The following SSH2 variants were observed in gnomAD, a reference collection of about 807,000 sequenced individuals.
SSH2 encodes protein phosphatase Slingshot homolog 2.
SSH2 carries 37 observed loss-of-function variants against 135.2 expected under a neutral mutation model. The observed-to-expected ratio is 0.27, with a 90% CI of 0.21 to 0.36. SSH2 has a LOEUF of 0.36. Ranked by LOEUF, SSH2 falls within the 10% of genes least tolerant of loss-of-function variation. The probability of loss-of-function intolerance (pLI) is 1.00; values close to 1 mark genes in which losing one functional copy is unlikely to be tolerated. For missense variants in SSH2, 1,408 were observed against 1,765.3 expected, an observed-to-expected ratio of 0.80 and a Z score of 3.63; for synonymous variants, 628 against 646.2, an observed-to-expected ratio of 0.97 and a Z score of 0.43.
At chr17:29,772,804 C>A (rs2041615399) in intron 3 of SSH2, among the ~76,000 whole-genome samples, 1 of 152,076 alleles carries the variant, frequency 6.6e-6, no homozygotes, top group African/African-American at 2.4e-5. Context: ...ACTCCAGGCT[C>A]TCTGGACTTG....
intron 4 of SSH2, among the ~76,000 whole-genome samples, chr17:29,696,138 T>C (rs2038718056): frequency 6.7e-6 from 1 of 149,370 alleles, no homozygotes; most frequent in Admixed American, 6.7e-5. Flanking sequence ...CGCTGGAGTG[T>C]AGTGACTGAT....
intron 2 of SSH2, among the ~76,000 whole-genome samples, chr17:29,844,653 ACT>A (rs1273338312): frequency 9.2e-5 from 14 of 152,172 alleles, no homozygotes; most frequent in South Asian, 4.1e-4. Flanking sequence ...TTCCAGTCAC[ACT>A]GTTACCTTTC....
chr17:29,635,630 G>C (rs902260389), intron 15 of SSH2, among the ~76,000 whole-genome samples: 19 of 151,738 alleles, frequency 1.3e-4, no homozygotes, highest in Non-Finnish European at 2.5e-4. Flanking sequence ...GGATGGTTTC[G>C]ATCTCCTGAC....
chr17:29,886,428 T>C (rs1424629493), intron 1 of SSH2, among the ~76,000 whole-genome samples: 1 of 151,884 alleles, frequency 6.6e-6, no homozygotes, highest in Non-Finnish European at 1.5e-5. Flanking sequence ...AGTGGCAAAG[T>C]GTTCAAGAAG....
At chr17:29,646,297 C>T (rs574603240) in intron 14 of SSH2, among the ~76,000 whole-genome samples, 1 of 152,064 alleles carries the variant, frequency 6.6e-6, no homozygotes, top group Non-Finnish European at 1.5e-5. Flanking sequence ...TGGTTCTTAC[C>T]GATATAGGAA....
At chr17:29,917,065 A>C (rs1809639030) in intron 1 of SSH2, among the ~76,000 whole-genome samples, 1 of 151,854 alleles carries the variant, frequency 6.6e-6, no homozygotes, top group Admixed American at 6.6e-5. Flanking sequence ...TTTTTCTTTA[A>C]GTGAGGAAAA....
At chr17:29,876,518 T>G (rs2151426826) in intron 1 of SSH2, among the ~76,000 whole-genome samples, 1 of 152,264 alleles carries the variant, frequency 6.6e-6, no homozygotes, top group African/African-American at 2.4e-5. Flanking sequence ...CTTTGTTGAT[T>G]GCTTTCTTTG....
Position 29,632,569 on chromosome 17 carries a change from T to C in SSH2, c.2625A>G (p.Gln875=). 3.1e-6 allele frequency: 5 copies of C among 1,614,236 alleles called. No individual in the cohort carries two copies. Among genetic ancestry groups the C allele is most frequent in the South Asian group, 1.1e-5 (1 of 91,082 alleles). Residue 875 remains glutamine (Q), a synonymous_variant, in exon 16 of 16, where the codon CAA becomes CAG. Coordinates refer to ENST00000540801, the MANE Select transcript of SSH2 (RefSeq NM_001282129.2). ...LEEGEPAEGE[Q]ELQGSGMHPG... ...GGTGCATCCCTGAGCCCTGGAGCTCTTGTTCCCCCTCAGCTGGTTCCCCTT... is the reference window on the plus strand; with the variant it reads ...GGTGCATCCCTGAGCCCTGGAGCTCCTGTTCCCCCTCAGCTGGTTCCCCTT...
intron 2 of SSH2, among the ~76,000 whole-genome samples, chr17:29,837,935 C>G (rs12601647): frequency 0.56 from 84,648 of 152,148 alleles, 23,913 homozygotes; most frequent in East Asian, 0.69. Flanking sequence ...TGCACAAGCT[C>G]TGGCTGCAAC....
At chr17:29,793,788 G>A (rs2042113029) in intron 3 of SSH2, 106 bp downstream of exon 3, 1 of 961,762 alleles carries the variant, frequency 1.0e-6, no homozygotes, top group African/African-American at 1.6e-5. Context: ...TGAAAAACAA[G>A]GATAAGCTAA....
chr17:29,858,751 C>T (rs1599102704), intron 1 of SSH2, among the ~76,000 whole-genome samples: 5 of 152,128 alleles, frequency 3.3e-5, no homozygotes, highest in East Asian at 3.9e-4. Flanking sequence ...GCATGCCTGT[C>T]GCCCTAACTA....
chr17:29,906,809 A>C (rs1451859172), intron 1 of SSH2, among the ~76,000 whole-genome samples: 2 of 152,236 alleles, frequency 1.3e-5, no homozygotes, highest in Non-Finnish European at 2.9e-5. Context: ...TCAAAACCAC[A>C]ATGAGAAACT....
rs184283459 is a variant in SSH2, at chr17:29,928,639, G to T, written c.63+1299C>A. 3.1e-3 allele frequency: 1,235 copies of T among 398,268 alleles called. 6 individuals carry two copies. The highest frequency in any genetic ancestry group is 0.023 in the African/African-American group (1,141 of 48,732). 24.7% of individuals were successfully genotyped at this position (398,268 alleles called of 1,614,324 possible). On this transcript the variant is annotated intron_variant, in intron 1 of 15. Coordinates refer to ENST00000540801, the MANE Select transcript of SSH2 (RefSeq NM_001282129.2). ...AAATAAAATCACTTATTAAGATATA[G>T]TTGTCAATTTCATCACACAAAATGC...
chr17:29,884,522 A>G (rs2151436236), intron 1 of SSH2, among the ~76,000 whole-genome samples: 1 of 152,228 alleles, frequency 6.6e-6, no homozygotes, highest in African/African-American at 2.4e-5. Flanking sequence ...TATTTTCATC[A>G]CTGGTCTTCT....
At chr17:29,758,124 C>T (rs973465206) in intron 3 of SSH2, among the ~76,000 whole-genome samples, 1 of 152,014 alleles carries the variant, frequency 6.6e-6, no homozygotes, top group African/African-American at 2.4e-5. Flanking sequence ...ACAAATATTC[C>T]AAAAATTCTT....
chr17:29,855,282 A>G lies in SSH2; in HGVS notation c.64-6353T>C, dbSNP rs914710406. Among the ~76,000 whole-genome samples, 2 of 152,126 alleles carry G rather than the reference A, an allele frequency of 1.3e-5. 1 individual carries two copies. Among genetic ancestry groups the G allele is most frequent in the African/African-American group, 4.8e-5 (2 of 41,424 alleles). Reference sequence around the variant, plus strand: ...TTTGGGAGGCTGAGGCAGGCAGATCACTGTAGCCCAGGAGTTTCAGACCAG... The same window carrying G: ...TTTGGGAGGCTGAGGCAGGCAGATCGCTGTAGCCCAGGAGTTTCAGACCAG... On this transcript the variant is annotated intron_variant, in intron 1 of 15. Transcript: ENST00000540801.
At chr17:29,928,622 T>A (rs1212129875) in intron 1 of SSH2, 1 of 398,430 alleles carries the variant, frequency 2.5e-6, no homozygotes, top group Non-Finnish European at 4.4e-6. Context: ...TGAAATAAAA[T>A]CACTTATTAA....
chr17:29,761,831 A>G (rs1200907625), intron 3 of SSH2, among the ~76,000 whole-genome samples: 1 of 147,680 alleles, frequency 6.8e-6, no homozygotes, highest in East Asian at 2.0e-4. Context: ...CAGAGATTAC[A>G]CTCACATACA....
intron 1 of SSH2, among the ~76,000 whole-genome samples, chr17:29,875,315 C>A (rs1470237351): frequency 6.6e-6 from 1 of 152,168 alleles, no homozygotes; most frequent in Non-Finnish European, 1.5e-5. Context: ...CTAGAGTGAT[C>A]CCTGACCCTT....
Sources: gnomAD v4.1 joint callset for allele counts (sites outside exome capture counted in the v4.1 genomes callset) on GRCh38, gnomAD v4.1.1 for gene constraint, MANE v1.5 for transcripts, NCBI Gene and HGNC (gene_info 2026-07-23, HGNC 2026-07-21) for gene names.